CUBN: variants seen among roughly 807,000 people sequenced by gnomAD.
The protein encoded by CUBN is 460 kDa receptor.
Under a neutral mutation model 405.3 loss-of-function variants are expected in CUBN, and 282 were observed. That is an observed-to-expected ratio of 0.70 (90% CI 0.63 to 0.77). The LOEUF (loss-of-function observed/expected upper bound fraction) is 0.77, where lower values mean the gene tolerates loss of function less well. Among genes scored for constraint, CUBN ranks in the 30% least tolerant of loss-of-function variants. CUBN has a pLI of 0.00. For synonymous variants in CUBN, 1,684 were observed against 1,617.0 expected, an observed-to-expected ratio of 1.04 and a Z score of -0.99; for missense variants, 4,514 against 4,475.2, an observed-to-expected ratio of 1.01 and a Z score of -0.25.
chr10:17,073,349 A>T lies in CUBN; in HGVS notation c.2302-1378T>A, dbSNP rs147776692. On this transcript the variant is annotated intron_variant, in intron 17 of 66. Transcript: ENST00000377833. ...AAGATAAGCCATATGATAACTCCAT[A>T]AATTCAAAAAACATTGTTAGCATTC... Among the ~76,000 whole-genome samples, 554 of 152,306 alleles carry T rather than the reference A, an allele frequency of 3.6e-3. 4 individuals are homozygous for T. The highest frequency in any genetic ancestry group is 0.013 in the African/African-American group (528 of 41,580).
At chr10:17,001,497 GC>G (rs1265491407) in intron 28 of CUBN, among the ~76,000 whole-genome samples, 1 of 152,176 alleles carries the variant, frequency 6.6e-6, no homozygotes, top group Non-Finnish European at 1.5e-5. Flanking sequence ...GCCACAGAGC[GC>G]CGACTGGCGC....
chr10:16,834,323 T>C (rs1839102593), intron 64 of CUBN, among the ~76,000 whole-genome samples: 1 of 151,948 alleles, frequency 6.6e-6, no homozygotes, highest in South Asian at 2.1e-4. Flanking sequence ...CCCCAAAGTT[T>C]CAGGCCCACG....
intron 17 of CUBN, among the ~76,000 whole-genome samples, chr10:17,072,473 C>A (rs971732314): frequency 6.6e-6 from 1 of 152,066 alleles, no homozygotes; most frequent in Admixed American, 6.5e-5. Context: ...GTGGCACACA[C>A]CTATTATCTG....
At chr10:17,126,667 A>T in intron 4 of CUBN, 94 bp downstream of exon 4, 1 of 1,335,176 alleles carries the variant, frequency 7.5e-7, no homozygotes, top group Non-Finnish European at 1.1e-6. Flanking sequence ...AATATTAATC[A>T]TCCATTCACC....
chr10:16,868,346 G>A (rs967313408), intron 59 of CUBN, among the ~76,000 whole-genome samples: 2 of 152,172 alleles, frequency 1.3e-5, no homozygotes, highest in East Asian at 1.9e-4. Context: ...GGTAAACTCC[G>A]TTTTGCATCA....
chr10:16,928,008 C>A, intron 41 of CUBN, 149 bp downstream of exon 41: 1 of 847,786 alleles, frequency 1.2e-6, no homozygotes, highest in African/African-American at 1.7e-5. Flanking sequence ...GTAAGGGGAG[C>A]CAGCCATCCA....
chr10:17,002,277 G>A (rs1316747781), intron 28 of CUBN, among the ~76,000 whole-genome samples: 2 of 152,000 alleles, frequency 1.3e-5, no homozygotes, highest in East Asian at 3.9e-4. Context: ...TGTGTCATAC[G>A]AAAAAGTGTG....
intron 15 of CUBN, among the ~76,000 whole-genome samples, chr10:17,086,931 G>T (rs1238088669): frequency 6.6e-6 from 1 of 152,110 alleles, no homozygotes; most frequent in East Asian, 1.9e-4. Context: ...TAACTTGATG[G>T]AATTTATTGA....
intron 58 of CUBN, among the ~76,000 whole-genome samples, 190 bp from the exon 59 acceptor site, chr10:16,870,043 A>C (rs1385511257): frequency 6.6e-6 from 1 of 152,244 alleles, no homozygotes; most frequent in Non-Finnish European, 1.5e-5. Flanking sequence ...ATTTGTTTTT[A>C]GTAATTACAA....
chr10:17,029,149 A>G (rs1443252651), intron 27 of CUBN, among the ~76,000 whole-genome samples: 1 of 152,200 alleles, frequency 6.6e-6, no homozygotes, highest in Non-Finnish European at 1.5e-5. Flanking sequence ...TCTGTCCTTC[A>G]TGTTTGAAGA....
intron 6 of CUBN, chr10:17,122,232 G>T (rs1425632894): frequency 6.1e-6 from 1 of 164,810 alleles, no homozygotes; most frequent in Non-Finnish European, 1.3e-5. Context: ...GACAGAATAA[G>T]TCAGAAGAGA....
Position 16,890,495 on chromosome 10 carries a change from G to A in CUBN, c.8631C>T (p.Ala2877=). 6.2e-7 allele frequency: 1 copy of A among 1,614,042 alleles called. No homozygotes were observed. Among genetic ancestry groups the A allele is most frequent in the African/African-American group, 1.3e-5 (1 of 74,978 alleles). The change falls in exon 55 of 67, where the codon GCC becomes GCT. Residue 2877 remains alanine (A), a synonymous_variant. Coordinates refer to ENST00000377833, the MANE Select transcript of CUBN (RefSeq NM_001081.4). ...VWAGTEEVDK[A]LLATGCGNVA... is the part of the protein sequence containing the mutation. ...CGTTCCCACAGCCAGTGGCTAGCAGGGCTTTGTCCACCTCCTCAGTTCCTG... is the reference window on the plus strand; with the variant it reads ...CGTTCCCACAGCCAGTGGCTAGCAGAGCTTTGTCCACCTCCTCAGTTCCTG...
intron 28 of CUBN, among the ~76,000 whole-genome samples, chr10:17,003,511 G>A (rs1833943437): frequency 6.6e-6 from 1 of 151,828 alleles, no homozygotes; most frequent in Non-Finnish European, 1.5e-5. Context: ...ATTTTAAATT[G>A]AACATTTTTT....
intron 3 of CUBN, among the ~76,000 whole-genome samples, chr10:17,127,275 T>TG: frequency 2.6e-5 from 3 of 115,072 alleles, no homozygotes; most frequent in Non-Finnish European, 5.6e-5. Flanking sequence ...TTTTTTTTTT[T>TG]TTTTTTTTCT....
intron 59 of CUBN, among the ~76,000 whole-genome samples, chr10:16,859,364 C>G (rs555739852): frequency 6.6e-6 from 1 of 152,102 alleles, no homozygotes; most frequent in African/African-American, 2.4e-5. Flanking sequence ...TGACGAAAAG[C>G]ACGTGAAAAT....
chr10:17,044,513 C>A (rs891012875), intron 25 of CUBN, among the ~76,000 whole-genome samples: 2 of 151,994 alleles, frequency 1.3e-5, no homozygotes, highest in African/African-American at 4.8e-5. Context: ...TATTGTAATG[C>A]CACAGCTGAT....
At chr10:17,073,850 C>T (rs540470613) in intron 17 of CUBN, among the ~76,000 whole-genome samples, 1 of 152,278 alleles carries the variant, frequency 6.6e-6, no homozygotes, top group South Asian at 2.1e-4. Flanking sequence ...TAGCCTTGAG[C>T]AAGTTACTCT....
intron 56 of CUBN, among the ~76,000 whole-genome samples, chr10:16,883,970 A>C (rs1277438997): frequency 6.6e-6 from 1 of 151,994 alleles, no homozygotes; most frequent in Non-Finnish European, 1.5e-5. Context: ...TTCATTTTTT[A>C]AATTTTATTT....
At chr10:16,898,066 G>GTGTATATATATATATATATA (rs1554789718) in intron 54 of CUBN, among the ~76,000 whole-genome samples, 1 of 145,032 alleles carries the variant, frequency 6.9e-6, no homozygotes, top group Non-Finnish European at 1.5e-5. Flanking sequence ...TTTATTATAT[G>GTGTATATATATATATATATA]TATATATATA....
Sources: allele counts gnomAD v4.1 joint callset (sites outside exome capture counted in the v4.1 genomes callset), GRCh38; gene constraint gnomAD v4.1.1; transcripts MANE v1.5; gene names NCBI Gene and HGNC (gene_info 2026-07-23, HGNC 2026-07-21).